OGA: variants seen among roughly 807,000 people sequenced by gnomAD.
The protein encoded by OGA is O-GlcNAcase.
Under a neutral mutation model 102.0 loss-of-function variants are expected in OGA, and 21 were observed. That is an observed-to-expected ratio of 0.21 (90% CI 0.15 to 0.30). The LOEUF is 0.30. Among genes scored for constraint, OGA ranks in the 10% least tolerant of loss-of-function variants. The pLI is 1.00. For synonymous variants in OGA, 408 were observed against 378.2 expected, an observed-to-expected ratio of 1.08 and a Z score of -0.91; for missense variants, 765 against 1,107.8, an observed-to-expected ratio of 0.69 and a Z score of 4.39.
In OGA at chr10:101,807,994, TC is replaced by T. The variant is rs909236777; in HGVS notation, c.481-94del. ...CAGTTATACTTAAAATCCAGTATTTTCCTTACTAGAATGTTCAAAGACAGAT... is the reference window on the plus strand; with the variant it reads ...CAGTTATACTTAAAATCCAGTATTTTCTTACTAGAATGTTCAAAGACAGAT... On this transcript the variant is annotated intron_variant, in intron 4 of 15. Coordinates refer to ENST00000361464, the MANE Select transcript of OGA (RefSeq NM_012215.5). 4 of 1,022,888 alleles carry T rather than the reference TC, an allele frequency of 3.9e-6. No homozygotes were observed. The African/African-American group carries it at 5.0e-5, about 13-fold the overall frequency. 63.4% of individuals were successfully genotyped at this position (1,022,888 alleles called of 1,614,324 possible).
intron 6 of OGA, 87 bp downstream of exon 6, chr10:101,805,954 CAAAA>C: frequency 1.3e-6 from 1 of 780,834 alleles, no homozygotes; most frequent in Admixed American, 2.3e-5. Context: ...GACTCCGTCT[CAAAA>C]AAAAAAGTAT....
chr10:101,787,124 C>A (rs1285887011), intron 15 of OGA, among the ~76,000 whole-genome samples: 1 of 151,760 alleles, frequency 6.6e-6, no homozygotes, highest in Non-Finnish European at 1.5e-5. Context: ...TCAAGTGATC[C>A]TCCCACTTCG....
intron 4 of OGA, among the ~76,000 whole-genome samples, chr10:101,808,992 GC>G (rs1278132938): frequency 4.0e-5 from 6 of 151,708 alleles, no homozygotes; most frequent in Admixed American, 3.9e-4. Context: ...GAAAATGGAA[GC>G]CCCCTACATT....
chr10:101,817,928 G>A lies in OGA; in HGVS notation c.95C>T (p.Pro32Leu). The A allele has an allele frequency of 6.3e-7, 1 of 1,585,688 alleles. No individual in the cohort carries two copies. The highest frequency in any genetic ancestry group is 8.6e-7 in the Non-Finnish European group (1 of 1,168,134). The change falls in exon 1 of 16, where the codon CCG becomes CTG. Residue 32 changes from proline (P) to leucine (L), a missense_variant. Pro to Leu is a moderately conservative substitution (Grantham distance 98). Coordinates refer to ENST00000361464, the MANE Select transcript of OGA (RefSeq NM_012215.5). ...GTCTTCTCCGGGTGCCGGAGCTGCC[G>A]GCGGCTCCAGCGATGCCCCCGCAGA... The part of the protein sequence containing the change: ...AASAGASLEP[P>L]AAPAPGEDNP...
At chr10:101,808,492 C>T (rs2065504710) in intron 4 of OGA, among the ~76,000 whole-genome samples, 2 of 152,138 alleles carry the variant, frequency 1.3e-5, no homozygotes, top group Admixed American at 6.5e-5. Flanking sequence ...ACACTGATCC[C>T]TTTGCAGATA....
intron 3 of OGA, among the ~76,000 whole-genome samples, chr10:101,811,975 C>A (rs970061826): frequency 2.0e-5 from 3 of 152,134 alleles, no homozygotes; most frequent in Non-Finnish European, 4.4e-5. Context: ...GTTGAAGGCA[C>A]ACTTAAATAG....
At chr10:101,799,904 G>A (rs1466853403) in intron 8 of OGA, among the ~76,000 whole-genome samples, 3 of 151,974 alleles carry the variant, frequency 2.0e-5, no homozygotes, top group Admixed American at 6.6e-5. Context: ...ACAGAGTCTC[G>A]CTCTGTCACC....
chr10:101,808,149 T>C (rs2065500906), intron 4 of OGA, among the ~76,000 whole-genome samples: 1 of 152,234 alleles, frequency 6.6e-6, no homozygotes, highest in Admixed American at 6.5e-5. Context: ...AAAAATGTTT[T>C]GGATTTTCAT....
chr10:101,784,739 CCAAA>C lies in OGA; in HGVS notation c.*1708_*1711del, dbSNP rs2065175329. ...TCCATGAGGTTAACTCTGAAATCCTCCAAACAAAATGCTAGAATTGTCCACTAGT... is the reference window on the plus strand; with the variant it reads ...TCCATGAGGTTAACTCTGAAATCCTCCAAAATGCTAGAATTGTCCACTAGT... On this transcript the variant is annotated 3_prime_UTR_variant, in exon 16 of 16. Coordinates refer to ENST00000361464, the MANE Select transcript of OGA (RefSeq NM_012215.5). The C allele has an allele frequency of 6.6e-6, 1 of 152,168 alleles. No homozygotes were observed. The highest frequency in any genetic ancestry group is 1.9e-4 in the East Asian group (1 of 5,198). The allele number at this position is 152,168 out of a possible 1,614,324, so 9.4% of individuals were successfully genotyped here.
intron 9 of OGA, 140 bp from the exon 10 acceptor site, chr10:101,798,294 A>G: frequency 1.3e-6 from 1 of 758,312 alleles, no homozygotes; most frequent in Middle Eastern, 3.8e-4. Flanking sequence ...GTGTCTCCCC[A>G]AACTGACAAA....
At chr10:101,793,615 C>T (rs975644002) in intron 11 of OGA, 6 of 222,124 alleles carry the variant, frequency 2.7e-5, no homozygotes, top group Admixed American at 1.1e-4. Flanking sequence ...GACAAGCATG[C>T]GCGCATTGTG....
At position 101,785,079 on chromosome 10, in the gene OGA, C is replaced by G. The variant is rs967752537; in HGVS notation, c.*1372G>C. ...TTCTTTCTCTTTACCCCTCTCCCCT[C>G]ACTCAGCTCAAAGTTAAACAGCTGA... On this transcript the variant is annotated 3_prime_UTR_variant, in exon 16 of 16. Transcript: ENST00000361464. The G allele has an allele frequency of 2.0e-5, 3 of 152,192 alleles. No individual in the cohort carries two copies. The highest frequency in any genetic ancestry group is 3.8e-4 in the East Asian group (2 of 5,196). 9.4% of individuals were successfully genotyped at this position (152,192 alleles called of 1,614,324 possible). A position where few individuals can be genotyped will look rare whatever the true frequency, so the allele number is the denominator to read the frequency against.
intron 1 of OGA, among the ~76,000 whole-genome samples, chr10:101,816,406 C>T (rs529310363): frequency 6.6e-6 from 1 of 152,282 alleles, no homozygotes; most frequent in South Asian, 2.1e-4. Context: ...GAAGAATCGC[C>T]TTTTAATGCT....
At position 101,801,432 on chromosome 10, in the gene OGA, C is replaced by T. The variant is rs373131887; in HGVS notation, c.1037-1032G>A. ...AAAAGAGATAATCGACAGAGACCCA[C>T]AAATTAGCACACATAAGGCAACAAA... is the stretch of plus-strand genomic sequence containing the variant. On this transcript the variant is annotated intron_variant, in intron 7 of 15. Transcript: ENST00000361464. Among the ~76,000 whole-genome samples, 53 of 151,448 alleles carry T rather than the reference C, an allele frequency of 3.5e-4. 1 individual carries two copies. The South Asian group carries it at 0.011, about 32-fold the overall frequency.
chr10:101,817,506 C>A (rs1379043489), intron 1 of OGA, among the ~76,000 whole-genome samples: 1 of 152,082 alleles, frequency 6.6e-6, no homozygotes, highest in Non-Finnish European at 1.5e-5. Context: ...GGAATAAGAT[C>A]CCAAGGTACA....
At chr10:101,793,417 T>C (rs550337187) in intron 11 of OGA, among the ~76,000 whole-genome samples, 1 of 152,312 alleles carries the variant, frequency 6.6e-6, no homozygotes, top group South Asian at 2.1e-4. Flanking sequence ...GGGAGAAAAG[T>C]AGAGCACCTA....
In OGA at chr10:101,790,976, T is replaced by C. The variant is rs1161900739; in HGVS notation, c.2374A>G (p.Lys792Glu). ...GTVDVTPFIK[K>E]CKISWIPFMQ... is the part of the protein sequence containing the mutation. ...AAGGGGATCCAGGAAATTTTACATTTTTTAATAAAGGGGGTCACATCTACA... is the reference window on the plus strand; with the variant it reads ...AAGGGGATCCAGGAAATTTTACATTCTTTAATAAAGGGGGTCACATCTACA... The change falls in exon 14 of 16, where the codon AAA (lysine) becomes GAA (glutamate). Residue 792 changes from lysine to glutamate, a missense_variant. Lys to Glu is a moderately conservative substitution (Grantham distance 56). Transcript: ENST00000361464. The C allele has an allele frequency of 6.2e-7, 1 of 1,613,838 alleles. No individual in the cohort carries two copies. The highest frequency in any genetic ancestry group is 1.1e-5 in the South Asian group (1 of 91,040).
chr10:101,818,172 C>T lies in OGA; in HGVS notation c.-150G>A, dbSNP rs371467041. On this transcript the variant is annotated 5_prime_UTR_variant, in exon 1 of 16. Coordinates refer to ENST00000361464, the MANE Select transcript of OGA (RefSeq NM_012215.5). ...CCCCTCTGCCCTTCCCCCTCCCTCTCCGCAGGGACCCGAATGCCCGGATGA... is the reference window on the plus strand; with the variant it reads ...CCCCTCTGCCCTTCCCCCTCCCTCTTCGCAGGGACCCGAATGCCCGGATGA... The T allele has an allele frequency of 8.7e-5, 118 of 1,356,490 alleles. 1 individual carries two copies. In the African/African-American group the frequency reaches 1.8e-3, roughly 20 times the overall value. 84.0% of individuals were successfully genotyped at this position (1,356,490 alleles called of 1,614,324 possible). A position where few individuals can be genotyped will look rare whatever the true frequency, so the allele number is the denominator to read the frequency against.
Position 101,817,875 on chromosome 10 carries a change from C to T in OGA, c.148G>A (p.Val50Met). Residue 50 changes from valine to methionine, a missense_variant, in exon 1 of 16, where the codon GTG becomes ATG. Val to Met is a conservative substitution (Grantham distance 21). Coordinates refer to ENST00000361464, the MANE Select transcript of OGA (RefSeq NM_012215.5). ...DNPAGAGGAA[V>M]AGAAGGARRF... ...CGAGCCCCTCCTGCAGCCCCGGCCA[C>T]CGCCGCTCCCCCAGCCCCGGCGGGG... The T allele has an allele frequency of 1.9e-6, 3 of 1,550,820 alleles. No homozygotes were observed. Among genetic ancestry groups the T allele is most frequent in the South Asian group, 1.2e-5 (1 of 85,228 alleles).
Sources: gnomAD v4.1 joint callset for allele counts (sites outside exome capture counted in the v4.1 genomes callset) on GRCh38, gnomAD v4.1.1 for gene constraint, MANE v1.5 for transcripts, NCBI Gene and HGNC (gene_info 2026-07-23, HGNC 2026-07-21) for gene names.